FRRS1: variants seen among roughly 807,000 people sequenced by gnomAD.
FRRS1 encodes the protein ferric reductase 1.
A neutral mutation model predicts 70.7 loss-of-function variants in FRRS1; 51 were observed. That is an observed-to-expected ratio of 0.72 (90% CI 0.58 to 0.91). FRRS1 has a LOEUF of 0.91. Among genes scored for constraint, FRRS1 ranks in the 40% least tolerant of loss-of-function variants. FRRS1 has a pLI of 0.00. For synonymous variants in FRRS1, 225 were observed against 238.7 expected, an observed-to-expected ratio of 0.94 and a Z score of 0.53; for missense variants, 672 against 726.0, an observed-to-expected ratio of 0.93 and a Z score of 0.86.
intron 6 of FRRS1, 23 bp downstream of exon 6, chr1:99,740,760 CATCTCTACAG>C (rs1205350684): frequency 2.0e-6 from 3 of 1,486,800 alleles, no homozygotes; most frequent in Non-Finnish European, 2.8e-6. Context: ...GGTGAAACCC[CATCTCTACAG>C]AGAAAATAAA....
rs912643970 is a variant in FRRS1, at chr1:99,734,085, T to C, written c.759+4001A>G. Among the ~76,000 whole-genome samples, 5 of 152,306 alleles carry C rather than the reference T, an allele frequency of 3.3e-5. 1 individual carries two copies. The South Asian group carries it at 1.0e-3, about 32-fold the overall frequency. On this transcript the variant is annotated intron_variant, in intron 7 of 16. Coordinates refer to ENST00000646001, the MANE Select transcript of FRRS1 (RefSeq NM_001361041.2). The stretch of plus-strand genomic sequence containing the variant: ...TAGAATATTCTACAAATAACTGGCC[T>C]GAATTTAATTTATAAAAAAGAAAAA...
At chr1:99,745,886 C>A (rs978162886) in intron 4 of FRRS1, among the ~76,000 whole-genome samples, 9 of 151,982 alleles carry the variant, frequency 5.9e-5, no homozygotes, top group Admixed American at 5.2e-4. Flanking sequence ...GGCACCTCCC[C>A]CCCCACTAAC....
intron 7 of FRRS1, among the ~76,000 whole-genome samples, chr1:99,737,540 TG>T (rs1293741914): frequency 6.6e-6 from 1 of 152,230 alleles, no homozygotes; most frequent in Non-Finnish European, 1.5e-5. Context: ...AGACATAAAA[TG>T]GCAAATACAC....
chr1:99,748,549 A>G, intron 3 of FRRS1, 24 bp downstream of exon 3: 1 of 1,570,126 alleles, frequency 6.4e-7, no homozygotes, highest in Non-Finnish European at 8.7e-7. Flanking sequence ...TCCAAAATGT[A>G]AACAGTTAAT....
rs776763059 is a variant in FRRS1, at chr1:99,738,142, T to A, written c.703A>T (p.Met235Leu). 2 of 1,613,764 alleles carry A rather than the reference T, an allele frequency of 1.2e-6. No individual in the cohort carries two copies. The highest frequency in any genetic ancestry group is 2.7e-5 in the African/African-American group (2 of 74,896). Residue 235 changes from methionine to leucine, a missense_variant, in exon 7 of 17, where the codon ATG becomes TTG. Physicochemically the swap from Met to Leu is conservative, Grantham distance 15. Coordinates refer to ENST00000646001, the MANE Select transcript of FRRS1 (RefSeq NM_001361041.2). Reference sequence around the variant, plus strand: ...AAATAGCCTTTACTGGGGCCGCTCATTTCAACCATCACCGATTGGTCATCT... The same window carrying A: ...AAATAGCCTTTACTGGGGCCGCTCAATTCAACCATCACCGATTGGTCATCT... The part of the protein sequence containing the change: ...TRDDQSVMVE[M>L]SGPSKGYLSF...
rs1653978326 is a variant in FRRS1, at chr1:99,704,517, AC to A, written c.*4510del. Among the ~76,000 whole-genome samples, 1 of 151,920 alleles carries A rather than the reference AC, an allele frequency of 6.6e-6. No homozygotes were observed. The highest frequency in any genetic ancestry group is 2.4e-5 in the African/African-American group (1 of 41,354). On this transcript the variant is annotated 3_prime_UTR_variant, in exon 17 of 17. Coordinates refer to ENST00000646001, the MANE Select transcript of FRRS1 (RefSeq NM_001361041.2). ...GGGCGTGGTCCCTGGCGAGGGCTCCACCCCCAAACCCGTGCCCACGGGTCTA... is the reference window on the plus strand; with the variant it reads ...GGGCGTGGTCCCTGGCGAGGGCTCCACCCCAAACCCGTGCCCACGGGTCTA...
At chr1:99,713,644 GAACTT>G (rs1654380797) in intron 12 of FRRS1, among the ~76,000 whole-genome samples, 1 of 152,164 alleles carries the variant, frequency 6.6e-6, no homozygotes, top group East Asian at 1.9e-4. Flanking sequence ...CACAGGCTCT[GAACTT>G]AACATATGTC....
At chr1:99,763,786 T>C (rs1162124416) in intron 1 of FRRS1, among the ~76,000 whole-genome samples, 1 of 150,808 alleles carries the variant, frequency 6.6e-6, no homozygotes, top group Non-Finnish European at 1.5e-5. Flanking sequence ...AAGAATCGCT[T>C]GAACCCTGGA....
chr1:99,745,398 C>A (rs1355093537), intron 4 of FRRS1, among the ~76,000 whole-genome samples: 2 of 152,126 alleles, frequency 1.3e-5, no homozygotes, highest in East Asian at 1.9e-4. Context: ...TTTAAAGGTT[C>A]TTTTGGCCGG....
Position 99,740,514 on chromosome 1 carries a change from C to G in FRRS1, c.576+279G>C, listed in dbSNP as rs147343986. ...TACCTGTTTGCTCACATAGAGAAAA[C>G]TAAGTACAGCACTTTACTCCTATGT... On this transcript the variant is annotated intron_variant, in intron 6 of 16. Transcript: ENST00000646001. 2.2e-4 allele frequency among the ~76,000 whole-genome samples: 34 copies of G among 152,302 alleles called. No homozygotes were observed. The East Asian group carries it at 6.4e-3, about 29-fold the overall frequency.
chr1:99,724,274 A>G (rs1654973349), intron 9 of FRRS1, among the ~76,000 whole-genome samples: 1 of 152,234 alleles, frequency 6.6e-6, no homozygotes, highest in Admixed American at 6.5e-5. Context: ...TACCTACAGT[A>G]TTCCTAAATT....
chr1:99,746,839 G>A (rs946430108), intron 4 of FRRS1, among the ~76,000 whole-genome samples: 8 of 152,122 alleles, frequency 5.3e-5, no homozygotes, highest in African/African-American at 1.4e-4. Context: ...AAAAAAGTCA[G>A]ACAGAAATTA....
intron 4 of FRRS1, among the ~76,000 whole-genome samples, chr1:99,743,356 C>T (rs1656069302): frequency 6.6e-6 from 1 of 152,082 alleles, no homozygotes; most frequent in African/African-American, 2.4e-5. Context: ...GTGCATAGGT[C>T]CACTTATATA....
rs566035383 is a variant in FRRS1 at position 99,736,277 on chromosome 1, C to T, written c.759+1809G>A. 3.3e-5 allele frequency among the ~76,000 whole-genome samples: 5 copies of T among 152,216 alleles called. No homozygotes were observed. In the East Asian group the frequency reaches 9.6e-4, roughly 29 times the overall value. ...TGGGGAAGATGTTTTGAACAATCAG[C>T]GCATCAGCTGAGCAAGTATAAAATT... On this transcript the variant is annotated intron_variant, in intron 7 of 16. Transcript: ENST00000646001.
chr1:99,726,372 A>T (rs1557690449), intron 9 of FRRS1, among the ~76,000 whole-genome samples: 1 of 152,224 alleles, frequency 6.6e-6, no homozygotes, highest in Non-Finnish European at 1.5e-5. Context: ...GTGAGAACAG[A>T]CTAATACAGA....
At chr1:99,715,077 G>C (rs185689682) in intron 12 of FRRS1, among the ~76,000 whole-genome samples, 1 of 151,882 alleles carries the variant, frequency 6.6e-6, no homozygotes, top group Non-Finnish European at 1.5e-5. Context: ...GGCTGGTTTC[G>C]AATTCCTGAG....
At chr1:99,730,619 G>C (rs1010217768) in intron 7 of FRRS1, among the ~76,000 whole-genome samples, 16 of 152,146 alleles carry the variant, frequency 1.1e-4, no homozygotes, top group African/African-American at 3.9e-4. Context: ...TGTAGTCCCA[G>C]CACTTTGGGA....
At position 99,729,741 on chromosome 1, in the gene FRRS1, T is replaced by C. The variant is rs769443048; in HGVS notation, c.767A>G (p.Asp256Gly). 6.2e-7 allele frequency: 1 copy of C among 1,604,940 alleles called. No individual in the cohort carries two copies. Among genetic ancestry groups the C allele is most frequent in the Non-Finnish European group, 8.5e-7 (1 of 1,173,002 alleles). ...TTCATGAATACACAGATAAGCATCA[T>C]CATCACCCTGAAAAACAATTGCAAA... ...ALSHDQWMGD[D>G]DAYLCIHEDQ... Residue 256 changes from aspartate (D) to glycine (G), a missense_variant, in exon 8 of 17, where the codon GAT becomes GGT. By Grantham distance (94) the Asp-to-Gly change is moderately conservative. Coordinates refer to ENST00000646001, the MANE Select transcript of FRRS1 (RefSeq NM_001361041.2).
intron 5 of FRRS1, among the ~76,000 whole-genome samples, chr1:99,741,908 T>C (rs1655983711): frequency 6.6e-6 from 1 of 152,226 alleles, no homozygotes; most frequent in African/African-American, 2.4e-5. Context: ...ATCAGGAAGG[T>C]TGTGTTATTA....
Sources: gnomAD v4.1 joint callset for allele counts (sites outside exome capture counted in the v4.1 genomes callset) on GRCh38, gnomAD v4.1.1 for gene constraint, MANE v1.5 for transcripts, NCBI Gene and HGNC (gene_info 2026-07-23, HGNC 2026-07-21) for gene names.